The following SLC25A53 variants were observed in gnomAD, a reference collection of about 807,000 sequenced individuals.
SLC25A53 encodes the protein solute carrier family 25 member 53.
A neutral mutation model predicts 15.0 loss-of-function variants in SLC25A53; 5 were observed. The ratio of observed to expected loss-of-function variants is 0.33; its 90% CI spans 0.17 to 0.70. The LOEUF is 0.70. Ranked by LOEUF, SLC25A53 falls within the 30% of genes least tolerant of loss-of-function variation. The pLI is 0.67. For synonymous variants in SLC25A53, 95 were observed against 100.0 expected (o/e 0.95, Z 0.30); for missense variants, 216 against 241.6 (o/e 0.89, Z 0.70).
At chrX:104,130,389 G>C (rs1352589985) in intron 1 of SLC25A53, among the ~76,000 whole-genome samples, 3 of 111,460 alleles carry the variant, frequency 2.7e-5, no homozygotes, top group South Asian at 3.8e-4. Flanking sequence ...TCTGGTCCGA[G>C]GGTGTGGATT....
chrX:104,132,346 G>A (rs937505726), intron 1 of SLC25A53, among the ~76,000 whole-genome samples: 1 of 111,756 alleles, frequency 8.9e-6, no homozygotes, highest in Non-Finnish European at 1.9e-5. Context: ...AGCCCCAACT[G>A]GGGGCTTACT....
At position 104,134,902 on chromosome X, in the gene SLC25A53, A is replaced by T. The variant is rs183817679; in HGVS notation, c.-32+21976T>A. The stretch of plus-strand genomic sequence containing the variant: ...TCCTTTCCTACAAAATAAAGCCTTA[A>T]CTCCTTAGCCTGGTGACCAAGGTTC... On this transcript the variant is annotated intron_variant, in intron 1 of 1. Transcript: ENST00000594199. Among the ~76,000 whole-genome samples, 251 of 110,490 alleles carry T rather than the reference A, an allele frequency of 2.3e-3. 1 individual carries two copies. Among genetic ancestry groups the T allele is most frequent in the South Asian group, 8.6e-3 (22 of 2,561 alleles).
At chrX:104,151,828 A>G (rs1370813507) in intron 1 of SLC25A53, among the ~76,000 whole-genome samples, 2 of 111,880 alleles carry the variant, frequency 1.8e-5, no homozygotes, top group Admixed American at 9.5e-5. Flanking sequence ...ACAGAGTTCA[A>G]ACTTACATAA....
chrX:104,116,171 G>C (rs1355509159), intron 1 of SLC25A53, among the ~76,000 whole-genome samples: 1 of 110,578 alleles, frequency 9.0e-6, no homozygotes, highest in Non-Finnish European at 1.9e-5. Flanking sequence ...ATTCCTGTTT[G>C]TATTGGGAAG....
chrX:104,155,267 C>T (rs1036551354), intron 1 of SLC25A53, among the ~76,000 whole-genome samples: 8 of 109,422 alleles, frequency 7.3e-5, no homozygotes, highest in Admixed American at 3.9e-4. Flanking sequence ...CTAAGAGATT[C>T]CAGGAGATAT....
chrX:104,106,087 T>A (rs1386194253), intron 1 of SLC25A53, among the ~76,000 whole-genome samples: 1 of 111,555 alleles, frequency 9.0e-6, no homozygotes, highest in Non-Finnish European at 1.9e-5. Flanking sequence ...GCACCAGTAG[T>A]GACTTACACA....
chrX:104,116,414 G>T (rs2075377111), intron 1 of SLC25A53, among the ~76,000 whole-genome samples: 1 of 111,049 alleles, frequency 9.0e-6, no homozygotes, highest in Non-Finnish European at 1.9e-5. Context: ...AGGAAAGAGG[G>T]GGTCCCTGGG....
intron 1 of SLC25A53, among the ~76,000 whole-genome samples, chrX:104,132,948 T>A (rs1192019714): frequency 1.8e-5 from 2 of 112,117 alleles, no homozygotes; most frequent in African/African-American, 6.5e-5. Context: ...AATTATGCAT[T>A]CATGGGACAG....
chrX:104,120,976 T>C (rs1402091065), intron 1 of SLC25A53, among the ~76,000 whole-genome samples: 1 of 112,745 alleles, frequency 8.9e-6, no homozygotes, highest in Non-Finnish European at 1.9e-5. Flanking sequence ...TTTGGGTTTC[T>C]AATAATAAAC....
intron 1 of SLC25A53, among the ~76,000 whole-genome samples, chrX:104,127,354 G>C (rs1430281044): frequency 1.8e-5 from 2 of 111,455 alleles, no homozygotes; most frequent in Non-Finnish European, 3.8e-5. Flanking sequence ...GGGCAGGGTG[G>C]GTATGATTAT....
intron 1 of SLC25A53, among the ~76,000 whole-genome samples, chrX:104,121,506 T>C (rs1556362706): frequency 9.0e-6 from 1 of 111,065 alleles, no homozygotes; most frequent in African/African-American, 3.3e-5. Flanking sequence ...AGGTGGCCTG[T>C]GGCACATCCT....
chrX:104,123,638 G>T (rs782482398), intron 1 of SLC25A53, among the ~76,000 whole-genome samples: 2 of 108,946 alleles, frequency 1.8e-5, no homozygotes, highest in African/African-American at 6.7e-5. Flanking sequence ...AGGTATACAC[G>T]TGCCATGGTG....
intron 1 of SLC25A53, among the ~76,000 whole-genome samples, chrX:104,149,811 CT>C (rs1207861391): frequency 9.0e-6 from 1 of 111,640 alleles, no homozygotes; most frequent in Non-Finnish European, 1.9e-5. Flanking sequence ...GTGGCCATCT[CT>C]GAAAAATACA....
chrX:104,139,795 A>T (rs1484370952), intron 1 of SLC25A53, among the ~76,000 whole-genome samples: 2 of 112,740 alleles, frequency 1.8e-5, no homozygotes, highest in Non-Finnish European at 3.7e-5. Flanking sequence ...GCCTGGCGAC[A>T]GAGCAAGACT....
chrX:104,144,171 C>T (rs2075459069), intron 1 of SLC25A53, among the ~76,000 whole-genome samples: 1 of 111,971 alleles, frequency 8.9e-6, no homozygotes, highest in South Asian at 3.8e-4. Context: ...ACCATCGACG[C>T]TATGAAGAAA....
chrX:104,114,100 T>C, intron 1 of SLC25A53: 2 of 1,211,618 alleles, frequency 1.7e-6, no homozygotes, highest in Non-Finnish European at 2.2e-6. Flanking sequence ...AGATACCCTA[T>C]CGTCGTCAGT....
At position 104,101,245 on chromosome X, in the gene SLC25A53, C is replaced by T. The variant is rs1287792553; in HGVS notation, c.*3089G>A. On this transcript the variant is annotated 3_prime_UTR_variant, in exon 2 of 2. Coordinates refer to ENST00000594199, the MANE Select transcript of SLC25A53 (RefSeq NM_001012755.5). ...GGTCACCACCCTCCAGGAACCTCCA[C>T]ATGTTCAGCTATCTGGAAGCTCTCC... The T allele has an allele frequency of 5.3e-5, 6 of 112,635 alleles. No homozygotes were observed. The highest frequency in any genetic ancestry group is 1.1e-4 in the Non-Finnish European group (6 of 53,309). 9.3% of individuals were successfully genotyped at this position (112,635 alleles called of 1,213,427 possible).
At chrX:104,142,920 C>CAAAAAAAAAA (rs1216011123) in intron 1 of SLC25A53, among the ~76,000 whole-genome samples, 1 of 33,968 alleles carries the variant, frequency 2.9e-5, no homozygotes, top group African/African-American at 1.0e-4. Context: ...GACTCCATCT[C>CAAAAAAAAAA]AAAAAAAAAA....
chrX:104,119,789 C>G (rs2075388008), intron 1 of SLC25A53, among the ~76,000 whole-genome samples: 3 of 111,485 alleles, frequency 2.7e-5, no homozygotes, highest in African/African-American at 6.5e-5. Flanking sequence ...CAGAACAGAT[C>G]AGAACTCCAG....
Sources: allele counts gnomAD v4.1 joint callset (sites outside exome capture counted in the v4.1 genomes callset), GRCh38; gene constraint gnomAD v4.1.1; transcripts MANE v1.5; gene names NCBI Gene and HGNC (gene_info 2026-07-23, HGNC 2026-07-21).